The following ZNF197 variants were observed in gnomAD, a reference collection of about 807,000 sequenced individuals.
The protein encoded by ZNF197 is VHL-associated KRAB-A domain-containing protein.
A neutral mutation model predicts 27.4 loss-of-function variants in ZNF197; 14 were observed. That is an observed-to-expected ratio of 0.51 (90% CI 0.34 to 0.80). ZNF197 has a LOEUF of 0.80. Among genes scored for constraint, ZNF197 ranks in the 30% least tolerant of loss-of-function variants. The pLI, the probability that ZNF197 is intolerant of heterozygous loss-of-function variation, is 0.02. For synonymous variants in ZNF197, 415 were observed against 420.0 expected (o/e 0.99, Z 0.15); for missense variants, 1,090 against 1,222.6 (o/e 0.89, Z 1.62).
Position 44,643,584 on chromosome 3 carries a change from T to C in ZNF197, c.2454T>C (p.Tyr818=), listed in dbSNP as rs772503876. 27 of 1,614,040 alleles carry C rather than the reference T, an allele frequency of 1.7e-5. No individual in the cohort carries two copies. The highest frequency in any genetic ancestry group is 3.3e-4 in the Middle Eastern group (2 of 6,084). Residue 818 remains tyrosine, a synonymous_variant, in exon 6 of 6, where the codon TAT becomes TAC. Transcript: ENST00000344387. The part of the protein sequence containing the change: ...HQRIHTREKS[Y]KCNDCGKVFS... ...GAATTCACACGAGGGAAAAATCTTATAAATGCAATGACTGTGGGAAGGTCT... is the reference window on the plus strand; with the variant it reads ...GAATTCACACGAGGGAAAAATCTTACAAATGCAATGACTGTGGGAAGGTCT...
chr3:44,643,365 C>T lies in ZNF197; in HGVS notation c.2235C>T (p.Tyr745=). ...AGGATTGTGGGAAGGCTTTCAGTTA[C>T]AATTCAAGCCTGCTTGTACATCGGA... ...KCEDCGKAFS[Y]NSSLLVHRRI... is the part of the protein sequence containing the mutation. Residue 745 remains tyrosine, a synonymous_variant, in exon 6 of 6, where the codon TAC becomes TAT. Transcript: ENST00000344387. The T allele has an allele frequency of 6.2e-7, 1 of 1,614,142 alleles. No homozygotes were observed. Among genetic ancestry groups the T allele is most frequent in the Non-Finnish European group, 8.5e-7 (1 of 1,180,002 alleles).
intron 3 of ZNF197, 123 bp downstream of exon 3, chr3:44,631,344 T>A: frequency 8.2e-7 from 1 of 1,221,356 alleles, no homozygotes. Context: ...TGCCAATTTC[T>A]TTCTGCTGTT....
At chr3:44,639,454 CA>C (rs1702477555) in intron 5 of ZNF197, among the ~76,000 whole-genome samples, 1 of 149,172 alleles carries the variant, frequency 6.7e-6, no homozygotes, top group African/African-American at 2.5e-5. Flanking sequence ...TGTGTGCAGG[CA>C]GGGGGTGGGG....
At chr3:44,635,750 T>C (rs1233532452) in intron 5 of ZNF197, among the ~76,000 whole-genome samples, 3 of 152,158 alleles carry the variant, frequency 2.0e-5, no homozygotes, top group Non-Finnish European at 4.4e-5. Flanking sequence ...TTTCCACTTA[T>C]AATTACAATA....
At position 44,629,576 on chromosome 3, in the gene ZNF197, G is replaced by A. The variant is rs757008649; in HGVS notation, c.390+32G>A. 14 of 1,517,588 alleles carry A rather than the reference G, an allele frequency of 9.2e-6. No homozygotes were observed. The East Asian group carries it at 3.2e-4, about 35-fold the overall frequency. The allele number at this position is 1,517,588 out of a possible 1,614,324, so 94.0% of individuals were successfully genotyped here. ...AAGACAGGGAGGGGCGGTGGGTGTT[G>A]GGATGAAAGGAAGGAAAGAATTGAG... On this transcript the variant is annotated intron_variant, in intron 2 of 5. Transcript: ENST00000344387.
rs987788104 is a variant in ZNF197 at position 44,645,733 on chromosome 3, A to C, written c.*1513A>C. ...ATGATAGCCTGTTACTAATGAAACAACATTCTGTCCCAGCACTAAATTTAC... is the reference window on the plus strand; with the variant it reads ...ATGATAGCCTGTTACTAATGAAACACCATTCTGTCCCAGCACTAAATTTAC... On this transcript the variant is annotated 3_prime_UTR_variant, in exon 6 of 6. Transcript: ENST00000344387. 14 of 985,334 alleles carry C rather than the reference A, an allele frequency of 1.4e-5. No individual in the cohort carries two copies. Among genetic ancestry groups the C allele is most frequent in the Non-Finnish European group, 1.7e-5 (14 of 829,944 alleles). The allele number at this position is 985,334 out of a possible 1,614,324, so 61.0% of individuals were successfully genotyped here. A position where few individuals can be genotyped will look rare whatever the true frequency, so the allele number is the denominator to read the frequency against.
chr3:44,644,250 G>C lies in ZNF197; in HGVS notation c.*30G>C, dbSNP rs548323473. The C allele has an allele frequency of 6.5e-7, 1 of 1,545,422 alleles. No homozygotes were observed. The highest frequency in any genetic ancestry group is 1.4e-5 in the African/African-American group (1 of 72,210). On this transcript the variant is annotated 3_prime_UTR_variant, in exon 6 of 6. Coordinates refer to ENST00000344387, the MANE Select transcript of ZNF197 (RefSeq NM_006991.5). Reference sequence around the variant, plus strand: ...ATATGTAAAATGGAATAGAATCCCTGCCTACTTAAGTAACTGTTGGACAAA... The same window carrying C: ...ATATGTAAAATGGAATAGAATCCCTCCCTACTTAAGTAACTGTTGGACAAA...
At position 44,641,905 on chromosome 3, in the gene ZNF197, G is replaced by T. The variant is rs374379374; in HGVS notation, c.775G>T (p.Glu259Ter). The change falls in exon 6 of 6, where the codon GAG (glutamate) becomes TAG (stop). Residue 259 changes from glutamate (E) to a stop codon, truncating the protein, a stop_gained. Coordinates refer to ENST00000344387, the MANE Select transcript of ZNF197 (RefSeq NM_006991.5). LOFTEE classifies it low-confidence loss of function (END_TRUNC). ...NYGNVTSLEW[E>*]TMTENEEVTS... ...TTTTTAATTCCTTTTACCAGAATGG[G>T]AGACCATGACCGAGAATGAGGAGGT... 56 of 1,585,086 alleles carry T rather than the reference G, an allele frequency of 3.5e-5. No individual in the cohort carries two copies. The highest frequency in any genetic ancestry group is 4.7e-5 in the Non-Finnish European group (55 of 1,167,808).
intron 1 of ZNF197, among the ~76,000 whole-genome samples, chr3:44,626,729 G>T (rs1167436705): frequency 6.6e-6 from 1 of 152,180 alleles, no homozygotes; most frequent in Non-Finnish European, 1.5e-5. Flanking sequence ...TTTCTGATGG[G>T]AGTATAAATT....
chr3:44,632,556 C>A lies in ZNF197; in HGVS notation c.726C>A (p.Tyr242Ter). 2 of 1,604,416 alleles carry A rather than the reference C, an allele frequency of 1.2e-6. No homozygotes were observed. The highest frequency in any genetic ancestry group is 2.2e-5 in the South Asian group (2 of 89,536). ...TGGGCCCAATCCAGAGGGCCTTGTACTGGGATGTGATGCTGGAGAATTATG... is the reference window on the plus strand; with the variant it reads ...TGGGCCCAATCCAGAGGGCCTTGTAATGGGATGTGATGCTGGAGAATTATG... ...ACLGPIQRALYWDVMLENYGN... is the reference protein window; with the variant it reads ...ACLGPIQRAL Residue 242 changes from tyrosine (Y) to a stop codon, truncating the protein, a stop_gained, in exon 5 of 6, where the codon TAC (tyrosine) becomes TAA (stop). Coordinates refer to ENST00000344387, the MANE Select transcript of ZNF197 (RefSeq NM_006991.5). LOFTEE classifies it low-confidence loss of function (END_TRUNC).
rs765453721 is a variant in ZNF197, at chr3:44,643,878, C to G, written c.2748C>G (p.Asn916Lys). 8 of 1,613,468 alleles carry G rather than the reference C, an allele frequency of 5.0e-6. No individual in the cohort carries two copies. Among genetic ancestry groups the G allele is most frequent in the Non-Finnish European group, 6.8e-6 (8 of 1,179,886 alleles). Residue 916 changes from asparagine to lysine, a missense_variant, in exon 6 of 6, where the codon AAC (asparagine) becomes AAG (lysine). Coordinates refer to ENST00000344387, the MANE Select transcript of ZNF197 (RefSeq NM_006991.5). The part of the protein sequence containing the change: ...ECGKDFSQNK[N>K]LVVHQRMHTG... ...GAAAAGACTTTAGTCAGAATAAAAA[C>G]CTTGTTGTACATCAGAGAATGCACA... is the stretch of plus-strand genomic sequence containing the variant.
At chr3:44,632,292 C>T in intron 4 of ZNF197, 96 bp downstream of exon 4, 3 of 1,529,722 alleles carry the variant, frequency 2.0e-6, no homozygotes, top group Middle Eastern at 1.7e-4. Context: ...AGTCAGTTCC[C>T]ATTTCTAAAT....
Position 44,642,107 on chromosome 3 carries a change from T to G in ZNF197, c.977T>G (p.Leu326Arg). The change falls in exon 6 of 6, where the codon CTT (leucine) becomes CGT (arginine). Residue 326 changes from leucine (L) to arginine (R), a missense_variant. By Grantham distance (102) the Leu-to-Arg change is moderately radical (BLOSUM62 -2). Coordinates refer to ENST00000344387, the MANE Select transcript of ZNF197 (RefSeq NM_006991.5). ...GCAGATACAGTGAAGAAAGTTTCCCTTTGTGAACGAGACAAGAAGAAAAGG... is the reference window on the plus strand; with the variant it reads ...GCAGATACAGTGAAGAAAGTTTCCCGTTGTGAACGAGACAAGAAGAAAAGG... ...ERADTVKKVSLCERDKKKRTP... is the reference protein window; with the variant it reads ...ERADTVKKVSRCERDKKKRTP... 1 of 1,614,026 alleles carries G rather than the reference T, an allele frequency of 6.2e-7. No homozygotes were observed. The highest frequency in any genetic ancestry group is 8.5e-7 in the Non-Finnish European group (1 of 1,179,998).
chr3:44,644,493 C>A lies in ZNF197; in HGVS notation c.*273C>A. 1 of 850,068 alleles carries A rather than the reference C, an allele frequency of 1.2e-6. No individual in the cohort carries two copies. The highest frequency in any genetic ancestry group is 1.5e-6 in the Non-Finnish European group (1 of 677,908). 52.7% of individuals were successfully genotyped at this position (850,068 alleles called of 1,614,324 possible). The stretch of plus-strand genomic sequence containing the variant: ...ATCTCTACTAAAATACAAAAATTAT[C>A]CGGGCATGGGGGCACACACCGGTAA... On this transcript the variant is annotated 3_prime_UTR_variant, in exon 6 of 6. Coordinates refer to ENST00000344387, the MANE Select transcript of ZNF197 (RefSeq NM_006991.5).
chr3:44,634,743 C>A (rs1439283910), intron 5 of ZNF197, among the ~76,000 whole-genome samples: 2 of 152,234 alleles, frequency 1.3e-5, no homozygotes, highest in East Asian at 3.8e-4. Context: ...AGCCACCATA[C>A]CCAGCTGTAT....
At chr3:44,625,532 C>A (rs1274273798) in intron 1 of ZNF197, among the ~76,000 whole-genome samples, 2 of 152,120 alleles carry the variant, frequency 1.3e-5, no homozygotes, top group East Asian at 3.8e-4. Flanking sequence ...GGCGCCCAGA[C>A]TCTTGAGGAC....
Position 44,643,921 on chromosome 3 carries a change from G to A in ZNF197, c.2791G>A (p.Glu931Lys), listed in dbSNP as rs1702789529. Residue 931 changes from glutamate (E) to lysine (K), a missense_variant, in exon 6 of 6, where the codon GAG becomes AAG. Transcript: ENST00000344387. ...AATGCACACTGGGGAAAAACCTTAT[G>A]AGTGTGACAAGTGTAGGAAATCCTT... ...QRMHTGEKPY[E>K]CDKCRKSFTS... The A allele has an allele frequency of 1.2e-6, 2 of 1,613,970 alleles. No individual in the cohort carries two copies. The highest frequency in any genetic ancestry group is 1.3e-5 in the African/African-American group (1 of 74,928).
At position 44,642,004 on chromosome 3, in the gene ZNF197, C is replaced by T; in HGVS notation, c.874C>T (p.Pro292Ser). Residue 292 changes from proline to serine, a missense_variant, in exon 6 of 6, where the codon CCC (proline) becomes TCC (serine). Transcript: ENST00000344387. Reference protein sequence around the residue: ...GTSKRLQGSVPQVLDFEEECE... With the variant: ...GTSKRLQGSVSQVLDFEEECE... ...ATCAAAAAGACTTCAAGGAAGTGTTCCCCAGGTCCTTGATTTTGAAGAAGA... is the reference window on the plus strand; with the variant it reads ...ATCAAAAAGACTTCAAGGAAGTGTTTCCCAGGTCCTTGATTTTGAAGAAGA... 1 of 1,613,880 alleles carries T rather than the reference C, an allele frequency of 6.2e-7. No homozygotes were observed. The highest frequency in any genetic ancestry group is 8.5e-7 in the Non-Finnish European group (1 of 1,179,874).
intron 1 of ZNF197, among the ~76,000 whole-genome samples, chr3:44,625,361 G>A (rs1445453808): frequency 6.6e-6 from 1 of 152,226 alleles, no homozygotes; most frequent in African/African-American, 2.4e-5. Flanking sequence ...CTCCGAGTCT[G>A]TGTGTGTTTG....
Sources: allele counts gnomAD v4.1 joint callset (sites outside exome capture counted in the v4.1 genomes callset), GRCh38; gene constraint gnomAD v4.1.1; transcripts MANE v1.5; gene names NCBI Gene and HGNC (gene_info 2026-07-23, HGNC 2026-07-21).